ESR1: variants seen among roughly 807,000 people sequenced by gnomAD.
ESR1 encodes the protein estrogen receptor.
In ESR1, 12 loss-of-function variants were observed where a neutral mutation model predicts 52.7. That is an observed-to-expected ratio of 0.23 (90% confidence interval 0.15 to 0.37). The LOEUF (loss-of-function observed/expected upper bound fraction) is 0.37, where lower values mean the gene tolerates loss of function less well. Among genes scored for constraint, ESR1 ranks in the 10% least tolerant of loss-of-function variants. The pLI, the probability that ESR1 is intolerant of heterozygous loss-of-function variation, is 1.00. For synonymous variants in ESR1, 305 were observed against 316.8 expected (o/e 0.96, Z 0.39); for missense variants, 584 against 779.7 (o/e 0.75, Z 2.99).
intron 2 of ESR1, among the ~76,000 whole-genome samples, chr6:151,843,129 T>C (rs767184386): frequency 4.6e-5 from 7 of 152,220 alleles, no homozygotes; most frequent in Non-Finnish European, 7.3e-5. Flanking sequence ...TGGACATTCA[T>C]GTTTGGTAGG....
intron 2 of ESR1, among the ~76,000 whole-genome samples, chr6:151,778,956 GTTAA>G (rs1786278278): frequency 6.6e-6 from 1 of 151,016 alleles, no homozygotes; most frequent in African/African-American, 2.4e-5. Flanking sequence ...TTTTTTTCTT[GTTAA>G]TTTATTTAAG....
Position 152,004,653 on chromosome 6 carries a change from TA to T in ESR1, c.1097-6991del, listed in dbSNP as rs900801989. Among the ~76,000 whole-genome samples, 167 of 146,416 alleles carry T rather than the reference TA, an allele frequency of 1.1e-3. No individual in the cohort carries two copies. The Middle Eastern group carries it at 0.014, about 12-fold the overall frequency. On this transcript the variant is annotated intron_variant, in intron 4 of 7. Transcript: ENST00000206249. ...AACATCACCTTTGAATCTGTATATG[TA>T]AAAAAAAAAAATCTCAGAGTAAGAT...
Position 151,907,540 on chromosome 6 carries a change from A to G in ESR1, c.760+26769A>G, listed in dbSNP as rs536614556. ...TGAAGTTTTACAAATTTGGGATTAT[A>G]CTGCCTCTTCATTCAACATTTTCCC... On this transcript the variant is annotated intron_variant, in intron 3 of 7. Transcript: ENST00000206249. Among the ~76,000 whole-genome samples the G allele has an allele frequency of 3.9e-5, 6 of 152,172 alleles. No individual in the cohort carries two copies. In the South Asian group the frequency reaches 1.2e-3, roughly 32 times the overall value.
At chr6:152,003,340 A>ATGTGTGTGTGTGTG (rs60787638) in intron 4 of ESR1, among the ~76,000 whole-genome samples, 23 of 145,536 alleles carry the variant, frequency 1.6e-4, no homozygotes, top group African/African-American at 5.8e-4. Context: ...AAGGGTAATT[A>ATGTGTGTGTGTGTG]TGTGTGTGTG....
rs772122906 is a variant in ESR1 at position 151,685,107 on chromosome 6, C to CTTTTTTTTT, written n.74-16739_74-16731dup. 6.9e-4 allele frequency among the ~76,000 whole-genome samples: 50 copies of CTTTTTTTTT among 72,946 alleles called. 9 individuals are homozygous for CTTTTTTTTT. The highest frequency in any genetic ancestry group is 1.1e-3 in the Non-Finnish European group (44 of 39,726). 47.9% of individuals were successfully genotyped at this position (72,946 alleles called of 152,430 possible). A position where few individuals can be genotyped will look rare whatever the true frequency, so the allele number is the denominator to read the frequency against. On this transcript the variant is annotated intron_variant and non_coding_transcript_variant, in intron 1 of 2. Coordinates refer to the ESR1 transcript ENST00000473497. ...TATCATTTTTGTCTGACACTGGCCT[C>CTTTTTTTTT]TTTTTTTTTTTTTTTTTTTTTTTTT... is the stretch of plus-strand genomic sequence containing the variant.
At chr6:151,727,115 A>G (rs1781905481) in intron 2 of ESR1, among the ~76,000 whole-genome samples, 1 of 152,242 alleles carries the variant, frequency 6.6e-6, no homozygotes, top group African/African-American at 2.4e-5. Context: ...GTTGAGTAAC[A>G]TAAATATACC....
chr6:152,016,303 G>C (rs1034411457), intron 5 of ESR1, among the ~76,000 whole-genome samples: 3 of 151,332 alleles, frequency 2.0e-5, no homozygotes, highest in Non-Finnish European at 2.9e-5. Flanking sequence ...TAATACATTA[G>C]GTATATGTTA....
intron 6 of ESR1, among the ~76,000 whole-genome samples, chr6:152,064,263 G>C (rs1224309417): frequency 2.6e-5 from 4 of 152,212 alleles, no homozygotes; most frequent in Non-Finnish European, 5.9e-5. Flanking sequence ...CAGGGCAAAA[G>C]CCCGTGAAGC....
At position 151,968,012 on chromosome 6, in the gene ESR1, C is replaced by T. The variant is rs192002680; in HGVS notation, c.1096+23504C>T. 3.2e-3 allele frequency among the ~76,000 whole-genome samples: 482 copies of T among 152,204 alleles called. 4 individuals are homozygous for T. Among genetic ancestry groups the T allele is most frequent in the African/African-American group, 0.011 (450 of 41,522 alleles). On this transcript the variant is annotated intron_variant, in intron 4 of 7. Coordinates refer to ENST00000206249, the MANE Select transcript of ESR1 (RefSeq NM_000125.4). ...GAGAAGTGTCTGTTCATATCCTTCGCCCACTTTTTGATGGGGTTGTTTTTT... is the reference window on the plus strand; with the variant it reads ...GAGAAGTGTCTGTTCATATCCTTCGTCCACTTTTTGATGGGGTTGTTTTTT...
intron 1 of ESR1, among the ~76,000 whole-genome samples, chr6:151,698,792 G>A (rs1779558923): frequency 6.6e-6 from 1 of 152,302 alleles, no homozygotes; most frequent in Middle Eastern, 3.4e-3. Flanking sequence ...GTTCCATGGT[G>A]GAAATGCCTG....
rs186842931 is a variant in ESR1, at chr6:151,758,588, G to A, written c.-70-49255G>A. The stretch of plus-strand genomic sequence containing the variant: ...CCAGCCTGGCCAACATGGTGAAACC[G>A]CATCTCTACTAAAACTACAAAAATT... On this transcript the variant is annotated intron_variant, in intron 2 of 2. Transcript: ENST00000404742. 9.2e-4 allele frequency among the ~76,000 whole-genome samples: 139 copies of A among 151,770 alleles called. No homozygotes were observed. In the East Asian group the frequency reaches 0.023, roughly 25 times the overall value.
chr6:151,688,782 A>G (rs1370131975), upstream of ESR1, among the ~76,000 whole-genome samples: 1 of 152,206 alleles, frequency 6.6e-6, no homozygotes, highest in Non-Finnish European at 1.5e-5. Context: ...TTTAAAGTAT[A>G]CAGGAGGATG....
intron 5 of ESR1, among the ~76,000 whole-genome samples, chr6:152,047,269 G>A (rs1324262336): frequency 6.6e-6 from 1 of 150,954 alleles, no homozygotes; most frequent in South Asian, 2.1e-4. Context: ...AACTAGCAAA[G>A]TGCTTAGGAC....
exon 7 of ESR1, chr6:152,125,519 A>G (rs1032056343): frequency 8.1e-5 from 78 of 965,706 alleles, no homozygotes; most frequent in Non-Finnish European, 1.1e-4. Context: ...AAGTGTCTTA[A>G]GAAGGATAGG....
At chr6:152,123,253 A>G (rs2052058915) in intron 6 of ESR1, among the ~76,000 whole-genome samples, 1 of 152,226 alleles carries the variant, frequency 6.6e-6, no homozygotes, top group African/African-American at 2.4e-5. Context: ...AATCAGCATC[A>G]GGCCCTGACA....
chr6:151,929,409 GT>G (rs1360283763), intron 3 of ESR1, among the ~76,000 whole-genome samples: 1 of 152,014 alleles, frequency 6.6e-6, no homozygotes, highest in Non-Finnish European at 1.5e-5. Context: ...TGTTAGCATG[GT>G]GTATCTTTCT....
At chr6:152,113,185 CTGTT>C (rs139242762) in intron 6 of ESR1, 94 of 152,428 alleles carry the variant, frequency 6.2e-4, no homozygotes, top group Admixed American at 2.2e-3. Flanking sequence ...TTAGGCATTT[CTGTT>C]TGTTTGTTTG....
At chr6:151,751,221 A>G (rs1173197773) in intron 2 of ESR1, among the ~76,000 whole-genome samples, 2 of 152,146 alleles carry the variant, frequency 1.3e-5, no homozygotes, top group East Asian at 3.8e-4. Flanking sequence ...TTTGAGGCCT[A>G]TGATTTATGG....
chr6:151,934,973 G>T (rs1042566980), intron 3 of ESR1, among the ~76,000 whole-genome samples: 3 of 152,220 alleles, frequency 2.0e-5, no homozygotes, highest in African/African-American at 7.2e-5. Flanking sequence ...GGTTTCTACA[G>T]ATTGTGCCAG....
Sources: gnomAD v4.1 joint callset for allele counts (sites outside exome capture counted in the v4.1 genomes callset) on GRCh38, gnomAD v4.1.1 for gene constraint, MANE v1.5 for transcripts, NCBI Gene and HGNC (gene_info 2026-07-23, HGNC 2026-07-21) for gene names.